The following SPMIP7 variants were observed in gnomAD, a reference collection of about 807,000 sequenced individuals.
SPMIP7 encodes the protein protein SPMIP7.
the SPMIP7 span, among the ~76,000 whole-genome samples, chr7:50,135,831 A>G: frequency 1.1e-4 from 16 of 152,324 alleles, no homozygotes; most frequent in South Asian, 1.0e-3. Flanking sequence ...GACTTTCCAC[A>G]TGGGTTTCGG....
chr7:50,108,265 G>A, the SPMIP7 span, among the ~76,000 whole-genome samples: 1 of 152,254 alleles, frequency 6.6e-6, no homozygotes, highest in Admixed American at 6.5e-5. Flanking sequence ...GAGAGAAGAT[G>A]CACCAGCAAG....
the SPMIP7 span, among the ~76,000 whole-genome samples, chr7:50,113,985 G>T: frequency 6.6e-6 from 1 of 151,982 alleles, no homozygotes; most frequent in Non-Finnish European, 1.5e-5. Context: ...GTCAGTTTCT[G>T]CAAGCCAGAA....
chr7:50,143,767 A>T, the SPMIP7 span, among the ~76,000 whole-genome samples: 1 of 152,224 alleles, frequency 6.6e-6, no homozygotes, highest in East Asian at 1.9e-4. Flanking sequence ...ATTCATAACC[A>T]TTATTAACAT....
At chr7:50,106,969 G>T in the SPMIP7 span, among the ~76,000 whole-genome samples, 5 of 151,922 alleles carry the variant, frequency 3.3e-5, no homozygotes, top group East Asian at 9.7e-4. Flanking sequence ...AGGCACGGTG[G>T]CTCACACCTG....
chr7:50,139,115 C>T, the SPMIP7 span, among the ~76,000 whole-genome samples: 5 of 151,918 alleles, frequency 3.3e-5, no homozygotes, highest in Non-Finnish European at 7.4e-5. Context: ...TTTTGGGAGG[C>T]CGAGGCAGGC....
At chr7:50,140,930 T>C in the SPMIP7 span, among the ~76,000 whole-genome samples, 24 of 152,312 alleles carry the variant, frequency 1.6e-4, no homozygotes, top group South Asian at 4.1e-3. Flanking sequence ...TTATAATCTC[T>C]GGCACACACC....
chr7:50,146,399 GGAGCTTT>G, the SPMIP7 span, among the ~76,000 whole-genome samples: 2 of 152,150 alleles, frequency 1.3e-5, no homozygotes, highest in African/African-American at 4.8e-5. Flanking sequence ...ATGGGTTCTT[GGAGCTTT>G]GAGTTATACT....
the SPMIP7 span, among the ~76,000 whole-genome samples, chr7:50,149,075 G>A: frequency 6.6e-6 from 1 of 152,058 alleles, no homozygotes; most frequent in Non-Finnish European, 1.5e-5. Flanking sequence ...AACCCAGGAG[G>A]TGGAAGTTGC....
At chr7:50,113,198 C>T in the SPMIP7 span, among the ~76,000 whole-genome samples, 1 of 152,054 alleles carries the variant, frequency 6.6e-6, no homozygotes, top group East Asian at 1.9e-4. Context: ...CCGACTGATT[C>T]CAATTACTTT....
chr7:50,153,304 CT>C, the SPMIP7 span, among the ~76,000 whole-genome samples: 1 of 152,154 alleles, frequency 6.6e-6, no homozygotes, highest in Non-Finnish European at 1.5e-5. Context: ...CTTCTTAAAA[CT>C]TTCAGAAAGG....
chr7:50,153,882 C>T, the SPMIP7 span, among the ~76,000 whole-genome samples: 1 of 152,184 alleles, frequency 6.6e-6, no homozygotes, highest in Non-Finnish European at 1.5e-5. Flanking sequence ...CAATTCTAAG[C>T]ATCCCACAAG....
the SPMIP7 span, among the ~76,000 whole-genome samples, chr7:50,136,694 T>A: frequency 7.9e-5 from 12 of 152,346 alleles, no homozygotes; most frequent in East Asian, 2.1e-3. Context: ...GTTCTATTAA[T>A]GTTAGAAACT....
chr7:50,145,745 A>G, the SPMIP7 span, among the ~76,000 whole-genome samples: 1 of 148,620 alleles, frequency 6.7e-6, no homozygotes, highest in Non-Finnish European at 1.5e-5. Context: ...CAGGCTCAGC[A>G]AAGGTGAGGT....
chr7:50,137,921 A>T, the SPMIP7 span, among the ~76,000 whole-genome samples: 1 of 152,134 alleles, frequency 6.6e-6, no homozygotes, highest in Non-Finnish European at 1.5e-5. Flanking sequence ...AATATGAATC[A>T]AAGTATCCCC....
the SPMIP7 span, among the ~76,000 whole-genome samples, chr7:50,126,067 T>A: frequency 1.3e-5 from 2 of 152,130 alleles, no homozygotes; most frequent in African/African-American, 4.8e-5. Context: ...AATGTATACA[T>A]GTATCGAATC....
At chr7:50,152,127 C>T in the SPMIP7 span, among the ~76,000 whole-genome samples, 1 of 152,176 alleles carries the variant, frequency 6.6e-6, no homozygotes, top group Non-Finnish European at 1.5e-5. Flanking sequence ...GTGGGCAGAT[C>T]ACTTGAGGTC....
the SPMIP7 span, chr7:50,120,407 A>G: frequency 1.3e-5 from 2 of 152,152 alleles, no homozygotes; most frequent in Non-Finnish European, 2.9e-5. Context: ...CTGAAGGGGG[A>G]TAAAAAAAGG....
the SPMIP7 span, chr7:50,141,727 C>CTTTTTTTTTTTTTTTTTTTTTT: frequency 5.2e-5 from 4 of 76,856 alleles, 1 homozygote; most frequent in African/African-American, 2.1e-4. Context: ...AGAGGAATCA[C>CTTTTTTTTTTTTTTTTTTTTTT]TTTTTTTTTT....
chr7:50,158,813 G>A, the SPMIP7 span, among the ~76,000 whole-genome samples: 314 of 152,060 alleles, frequency 2.1e-3, 4 homozygotes, highest in African/African-American at 7.3e-3. Context: ...GGTTCCTTGG[G>A]CGGCTTTCTG....
Sources: allele counts gnomAD v4.1 joint callset (sites outside exome capture counted in the v4.1 genomes callset), GRCh38; gene constraint gnomAD v4.1.1; transcripts MANE v1.5; gene names NCBI Gene and HGNC (gene_info 2026-07-23, HGNC 2026-07-21).